The following CCDC171 variants were observed in gnomAD, a reference collection of about 807,000 sequenced individuals.
CCDC171 encodes coiled-coil domain containing 171.
CCDC171 carries 177 observed loss-of-function variants against 168.2 expected under a neutral mutation model. That is an observed-to-expected ratio of 1.05 (90% CI 0.93 to 1.19). The LOEUF is 1.19. Among genes scored for constraint, CCDC171 ranks in the 50% most tolerant of loss-of-function variants. The pLI is 0.00. For synonymous variants in CCDC171, 687 were observed against 540.8 expected, an observed-to-expected ratio of 1.27 and a Z score of -3.75; for missense variants, 1,991 against 1,539.0, an observed-to-expected ratio of 1.29 and a Z score of -4.91.
intron 25 of CCDC171, among the ~76,000 whole-genome samples, chr9:15,922,541 G>A (rs900243412): frequency 1.3e-5 from 2 of 151,396 alleles, no homozygotes; most frequent in Non-Finnish European, 3.0e-5. Context: ...AGAGGAGTGC[G>A]CATATCTCTT....
At chr9:15,939,704 G>A (rs1385535487) in intron 25 of CCDC171, among the ~76,000 whole-genome samples, 1 of 151,756 alleles carries the variant, frequency 6.6e-6, no homozygotes, top group Non-Finnish European at 1.5e-5. Flanking sequence ...TTACTTTTAT[G>A]TCATTTAGAA....
intron 21 of CCDC171, among the ~76,000 whole-genome samples, chr9:15,804,428 T>A (rs557612549): frequency 1.3e-5 from 2 of 151,756 alleles, no homozygotes; most frequent in South Asian, 4.2e-4. Context: ...TTATTGATCT[T>A]TAACATGAAG....
intron 7 of CCDC171, among the ~76,000 whole-genome samples, chr9:15,624,971 C>T (rs1375715092): frequency 6.6e-6 from 1 of 152,176 alleles, no homozygotes; most frequent in Non-Finnish European, 1.5e-5. Context: ...TCCTCTCCAG[C>T]ACCTGTTGTT....
intron 21 of CCDC171, among the ~76,000 whole-genome samples, chr9:15,826,482 G>A (rs1168506949): frequency 6.6e-6 from 1 of 152,110 alleles, no homozygotes; most frequent in Non-Finnish European, 1.5e-5. Context: ...CCTTTGTGAA[G>A]TGACAGTGCA....
chr9:15,751,053 A>G (rs1180611006), intron 18 of CCDC171, among the ~76,000 whole-genome samples: 1 of 152,220 alleles, frequency 6.6e-6, no homozygotes, highest in African/African-American at 2.4e-5. Flanking sequence ...AATCTCCTTA[A>G]GCTGATAAGC....
At position 15,571,733 on chromosome 9, in the gene CCDC171, G is replaced by A. The variant is rs1381938117; in HGVS notation, c.151G>A (p.Glu51Lys). The A allele has an allele frequency of 4.4e-6, 7 of 1,588,938 alleles. No homozygotes were observed. The highest frequency in any genetic ancestry group is 6.0e-6 in the Non-Finnish European group (7 of 1,173,832). The change falls in exon 3 of 26, where the codon GAA becomes AAA. Residue 51 changes from glutamate (E) to lysine (K), a missense_variant. Transcript: ENST00000380701. ...KLHWAKKEKL[E>K]ITTKHNAELA... ...CCATTGGGCTAAAAAAGAAAAGTTA[G>A]AAATAACAACCAAACACAATGCAGA...
chr9:15,697,845 T>C (rs1280432533), intron 11 of CCDC171, among the ~76,000 whole-genome samples: 4 of 152,192 alleles, frequency 2.6e-5, no homozygotes, highest in Admixed American at 6.5e-5. Context: ...GCAATTTCTT[T>C]TTTGTTACCT....
intron 17 of CCDC171, 111 bp from the exon 18 acceptor site, chr9:15,745,404 C>T: frequency 5.4e-6 from 3 of 552,608 alleles, no homozygotes; most frequent in Non-Finnish European, 9.1e-6. Context: ...AGGCAATGTT[C>T]ACAATAGGGT....
chr9:15,963,493 A>T (rs1830535659), intron 25 of CCDC171, among the ~76,000 whole-genome samples: 1 of 152,234 alleles, frequency 6.6e-6, no homozygotes, highest in Admixed American at 6.5e-5. Context: ...AGATACATTT[A>T]AATTTTTTGT....
chr9:15,744,749 A>T lies in CCDC171; in HGVS notation c.2526A>T (p.Gly842=). ...KEGIGMLVCT[G]EPQDKHKFPK... is the part of the protein sequence containing the mutation. ...GCATAGGCATGTTAGTGTGCACAGGAGAGCCCCAAGACAAGCATAAATTTC... is the reference window on the plus strand; with the variant it reads ...GCATAGGCATGTTAGTGTGCACAGGTGAGCCCCAAGACAAGCATAAATTTC... The change falls in exon 17 of 26, where the codon GGA becomes GGT. Residue 842 remains glycine (G), a synonymous_variant. Coordinates refer to ENST00000380701, the MANE Select transcript of CCDC171 (RefSeq NM_173550.4). The T allele has an allele frequency of 6.2e-7, 1 of 1,612,478 alleles. No homozygotes were observed. Among genetic ancestry groups the T allele is most frequent in the Non-Finnish European group, 8.5e-7 (1 of 1,179,364 alleles).
intron 4 of CCDC171, among the ~76,000 whole-genome samples, chr9:15,583,765 A>G (rs2041330066): frequency 6.6e-6 from 1 of 152,198 alleles, no homozygotes; most frequent in South Asian, 2.1e-4. Context: ...TCTGTTCCCC[A>G]AACTATTGAA....
rs1445916533 is a variant in CCDC171 at position 15,553,052 on chromosome 9, G to A, written c.-362G>A. The A allele has an allele frequency of 6.6e-6, 1 of 152,568 alleles. No homozygotes were observed. Among genetic ancestry groups the A allele is most frequent in the African/African-American group, 2.4e-5 (1 of 41,468 alleles). The allele number at this position is 152,568 out of a possible 1,614,324, so 9.5% of individuals were successfully genotyped here. On this transcript the variant is annotated 5_prime_UTR_variant, in exon 1 of 26. Transcript: ENST00000380701. ...AGTTGGGCTGACCTGTGAAAGTCTG[G>A]GAAGGTCTGCGAGAGAAGCGGAGTG...
the CCDC171 span, among the ~76,000 whole-genome samples, chr9:16,081,917 C>A: frequency 1.3e-5 from 2 of 151,654 alleles, no homozygotes; most frequent in East Asian, 1.9e-4. Context: ...CTCCACTGAT[C>A]TAATATTTTA....
At chr9:15,906,092 G>T (rs1170139902) in intron 24 of CCDC171, among the ~76,000 whole-genome samples, 1 of 152,138 alleles carries the variant, frequency 6.6e-6, no homozygotes, top group African/African-American at 2.4e-5. Context: ...TCTACCAGAG[G>T]TACAAGGAGG....
intron 18 of CCDC171, among the ~76,000 whole-genome samples, chr9:15,756,346 C>T (rs2056115519): frequency 6.6e-6 from 1 of 152,098 alleles, no homozygotes; most frequent in African/African-American, 2.4e-5. Context: ...TCTATCAGCT[C>T]ACACAAGAAT....
chr9:15,686,665 A>C (rs1295173690), intron 10 of CCDC171, among the ~76,000 whole-genome samples: 2 of 152,214 alleles, frequency 1.3e-5, no homozygotes, highest in Non-Finnish European at 2.9e-5. Flanking sequence ...CTAGAGATAA[A>C]GAGGGACATC....
intron 9 of CCDC171, among the ~76,000 whole-genome samples, chr9:15,675,575 C>CA (rs1187119539): frequency 1.3e-5 from 2 of 152,110 alleles, no homozygotes; most frequent in African/African-American, 4.8e-5. Flanking sequence ...CTGGTGGTGA[C>CA]AAAATCTCTC....
chr9:15,556,720 G>C (rs2038831722), intron 1 of CCDC171, among the ~76,000 whole-genome samples: 1 of 151,912 alleles, frequency 6.6e-6, no homozygotes, highest in Non-Finnish European at 1.5e-5. Context: ...AGTTTCTTTT[G>C]CTGTGCAGAA....
At chr9:15,594,834 T>C (rs1387280852) in intron 6 of CCDC171, among the ~76,000 whole-genome samples, 1 of 152,138 alleles carries the variant, frequency 6.6e-6, no homozygotes, top group Non-Finnish European at 1.5e-5. Flanking sequence ...CTCAAACTAG[T>C]GTGTTGTGTG....
Sources: allele counts gnomAD v4.1 joint callset (sites outside exome capture counted in the v4.1 genomes callset), GRCh38; gene constraint gnomAD v4.1.1; transcripts MANE v1.5; gene names NCBI Gene and HGNC (gene_info 2026-07-23, HGNC 2026-07-21).